The following LUZP2 variants were observed in gnomAD, a reference collection of about 807,000 sequenced individuals.
LUZP2 encodes the protein leucine zipper protein 2.
Under a neutral mutation model 51.6 loss-of-function variants are expected in LUZP2, and 52 were observed. That is an observed-to-expected ratio of 1.01 (90% CI 0.81 to 1.27). The LOEUF (loss-of-function observed/expected upper bound fraction) is 1.27. LUZP2 is among the 50% of genes most tolerant of loss of function. The pLI is 0.00. For synonymous variants in LUZP2, 154 were observed against 137.3 expected (o/e 1.12, Z -0.85); for missense variants, 436 against 395.4 (o/e 1.10, Z -0.87).
At chr11:25,071,885 A>G (rs1859169832) in intron 10 of LUZP2, among the ~76,000 whole-genome samples, 1 of 152,122 alleles carries the variant, frequency 6.6e-6, no homozygotes, top group Non-Finnish European at 1.5e-5. Context: ...ATGAAAAAGC[A>G]TATAAAGTTA....
chr11:24,744,620 C>A (rs74367265), intron 4 of LUZP2, among the ~76,000 whole-genome samples: 1 of 151,986 alleles, frequency 6.6e-6, no homozygotes, highest in Non-Finnish European at 1.5e-5. Context: ...GTTAATCGTG[C>A]TAATATTCTA....
At chr11:24,826,190 A>AAAAAAAAAAAATATATATATAT (rs1215786412) in intron 5 of LUZP2, among the ~76,000 whole-genome samples, 1 of 67,536 alleles carries the variant, frequency 1.5e-5, no homozygotes, top group Non-Finnish European at 2.6e-5. Flanking sequence ...AAAAAAAAAA[A>AAAAAAAAAAAATATATATATAT]ATATATATAT....
intron 5 of LUZP2, among the ~76,000 whole-genome samples, chr11:24,863,881 CATA>C (rs1456966613): frequency 1.3e-5 from 2 of 152,064 alleles, no homozygotes; most frequent in African/African-American, 4.8e-5. Context: ...AATTGAGATT[CATA>C]ATGATACCTC....
chr11:24,974,219 G>A (rs1407970262), intron 7 of LUZP2, among the ~76,000 whole-genome samples: 3 of 151,894 alleles, frequency 2.0e-5, no homozygotes, highest in African/African-American at 7.3e-5. Flanking sequence ...GTCTTTGTTG[G>A]TTTAATGTCT....
At chr11:24,766,288 A>T (rs1565125894) in intron 5 of LUZP2, among the ~76,000 whole-genome samples, 1 of 152,140 alleles carries the variant, frequency 6.6e-6, no homozygotes, top group South Asian at 2.1e-4. Flanking sequence ...ATTTCCTTGC[A>T]TCAAATAATC....
At chr11:24,743,941 T>G (rs190603873) in intron 4 of LUZP2, among the ~76,000 whole-genome samples, 86 of 152,176 alleles carry the variant, frequency 5.7e-4, no homozygotes, top group Admixed American at 1.6e-3. Context: ...TGATGAGCAT[T>G]CAACAGAGAA....
chr11:24,738,162 A>G (rs1426492503), intron 3 of LUZP2, 59 bp from the exon 4 acceptor site: 1 of 1,202,610 alleles, frequency 8.3e-7, no homozygotes, highest in Non-Finnish European at 1.2e-6. Context: ...TATAATGTTC[A>G]TAGGAAATAA....
chr11:24,983,104 G>A (rs1856085328), intron 8 of LUZP2, 22 bp from the exon 9 acceptor site: 2 of 1,609,224 alleles, frequency 1.2e-6, no homozygotes, highest in Admixed American at 1.7e-5. Context: ...ATGTAAATAT[G>A]TTAATGCCTC....
At position 24,709,121 on chromosome 11, in the gene LUZP2, A is replaced by G. The variant is rs567326754; in HGVS notation, c.63-20048A>G. Among the ~76,000 whole-genome samples the G allele has an allele frequency of 2.0e-4, 31 of 152,326 alleles. No homozygotes were observed. In the East Asian group the frequency reaches 5.8e-3, roughly 28 times the overall value. ...TCTTTATCTCTATTTGTGATAGAGA[A>G]TAAAACATTCCTGAACATGTGGGAG... is the stretch of plus-strand genomic sequence containing the variant. On this transcript the variant is annotated intron_variant, in intron 1 of 11. Coordinates refer to ENST00000336930, the MANE Select transcript of LUZP2 (RefSeq NM_001009909.4).
chr11:24,760,431 T>A (rs1227170799), intron 4 of LUZP2, among the ~76,000 whole-genome samples: 1 of 152,150 alleles, frequency 6.6e-6, no homozygotes, highest in Non-Finnish European at 1.5e-5. Flanking sequence ...GGTTTTTCTA[T>A]CAACTTGAAC....
chr11:24,678,078 G>T lies in LUZP2; in HGVS notation c.63-51091G>T, dbSNP rs1032045489. 3.7e-3 allele frequency among the ~76,000 whole-genome samples: 443 copies of T among 120,298 alleles called. 11 individuals are homozygous for T. The highest frequency in any genetic ancestry group is 5.7e-3 in the Non-Finnish European group (340 of 59,834). 78.9% of individuals were successfully genotyped at this position (120,298 alleles called of 152,430 possible). A position where few individuals can be genotyped will look rare whatever the true frequency, so the allele number is the denominator to read the frequency against. Reference sequence around the variant, plus strand: ...AAGAAAAGGGAGGAAAGGAGAAAGGGGGGGGGGGGTGATTACTACGTAGCT... The same window carrying T: ...AAGAAAAGGGAGGAAAGGAGAAAGGTGGGGGGGGGTGATTACTACGTAGCT... On this transcript the variant is annotated intron_variant, in intron 1 of 11. Transcript: ENST00000336930.
chr11:24,657,089 A>G (rs373611851), intron 1 of LUZP2, among the ~76,000 whole-genome samples: 3 of 152,282 alleles, frequency 2.0e-5, no homozygotes, highest in African/African-American at 7.2e-5. Context: ...CTTGATTTGC[A>G]TTATTTAGAA....
In LUZP2 at chr11:25,013,313, G is replaced by A. The variant is rs201737239; in HGVS notation, c.765+30020G>A. On this transcript the variant is annotated intron_variant, in intron 9 of 11. Coordinates refer to ENST00000336930, the MANE Select transcript of LUZP2 (RefSeq NM_001009909.4). ...AAAATGAATGTTTAACAGCAGAGTAGAGTGACTGTAGTTATACAAAAATGT... is the reference window on the plus strand; with the variant it reads ...AAAATGAATGTTTAACAGCAGAGTAAAGTGACTGTAGTTATACAAAAATGT... Among the ~76,000 whole-genome samples, 299 of 152,218 alleles carry A rather than the reference G, an allele frequency of 2.0e-3. 3 individuals carry two copies. Among genetic ancestry groups the A allele is most frequent in the African/African-American group, 7.0e-3 (292 of 41,548 alleles).
intron 5 of LUZP2, among the ~76,000 whole-genome samples, chr11:24,839,675 C>A (rs1280487428): frequency 6.6e-6 from 1 of 151,514 alleles, no homozygotes; most frequent in Non-Finnish European, 1.5e-5. Context: ...AAACACATTT[C>A]CTTTCAAAGA....
chr11:24,842,952 A>G (rs150753314), intron 5 of LUZP2, among the ~76,000 whole-genome samples: 3,175 of 152,022 alleles, frequency 0.021, 60 homozygotes, highest in Non-Finnish European at 0.028. Flanking sequence ...AGCAAGGAGT[A>G]TAAGCATCAA....
At chr11:24,570,463 TA>T (rs1301139157) in intron 1 of LUZP2, among the ~76,000 whole-genome samples, 16 of 152,062 alleles carry the variant, frequency 1.1e-4, no homozygotes, top group African/African-American at 3.9e-4. Flanking sequence ...AGTAGCAAAA[TA>T]GCCTTTATGG....
intron 1 of LUZP2, among the ~76,000 whole-genome samples, chr11:24,563,756 A>T (rs941003905): frequency 2.7e-5 from 4 of 147,318 alleles, no homozygotes; most frequent in South Asian, 2.4e-4. Context: ...AGAAACATTT[A>T]AAAAAAAACT....
intron 5 of LUZP2, among the ~76,000 whole-genome samples, chr11:24,871,896 A>G (rs369416366): frequency 2.0e-5 from 3 of 152,158 alleles, no homozygotes; most frequent in Non-Finnish European, 2.9e-5. Context: ...AAACTATAAT[A>G]GTATACAGTG....
chr11:25,030,201 TA>T (rs1454755644), intron 9 of LUZP2, among the ~76,000 whole-genome samples: 31 of 152,186 alleles, frequency 2.0e-4, no homozygotes, highest in Non-Finnish European at 4.1e-4. Flanking sequence ...GAATCAGTAA[TA>T]TTCTCTAATT....
Sources: gnomAD v4.1 joint callset for allele counts (sites outside exome capture counted in the v4.1 genomes callset) on GRCh38, gnomAD v4.1.1 for gene constraint, MANE v1.5 for transcripts, NCBI Gene and HGNC (gene_info 2026-07-23, HGNC 2026-07-21) for gene names.